The following ETV2 variants were observed in gnomAD, a reference collection of about 807,000 sequenced individuals.
The protein encoded by ETV2 is ETS translocation variant 2.
ETV2 carries 34 observed loss-of-function variants against 35.7 expected under a neutral mutation model. The ratio of observed to expected loss-of-function variants is 0.95; its 90% CI spans 0.72 to 1.27. The LOEUF is 1.27. Ranked by LOEUF, ETV2 falls within the 50% of genes most tolerant of loss-of-function variation. ETV2 has a pLI of 0.00. For synonymous variants in ETV2, 207 were observed against 203.9 expected, an observed-to-expected ratio of 1.02 and a Z score of -0.13; for missense variants, 512 against 470.5, an observed-to-expected ratio of 1.09 and a Z score of -0.82.
At position 35,644,624 on chromosome 19, in the gene ETV2, A is replaced by G. The variant is rs1215596252; in HGVS notation, c.829-28A>G. The G allele has an allele frequency of 1.9e-6, 3 of 1,590,246 alleles. No individual in the cohort carries two copies. The highest frequency in any genetic ancestry group is 1.7e-5 in the Admixed American group (1 of 57,304). ...CTATCGCCAAGCCCCGCCCCTTCCCACTCCGACCGAGCGGGCCTCTGTCCT... is the reference window on the plus strand; with the variant it reads ...CTATCGCCAAGCCCCGCCCCTTCCCGCTCCGACCGAGCGGGCCTCTGTCCT... On this transcript the variant is annotated intron_variant, in intron 6 of 6. Transcript: ENST00000402764. This position sits in a 1 kb window ranked among gnomAD's most constrained non-coding sequence, Gnocchi z 4.7.
chr19:35,642,656 C>A lies in ETV2; in HGVS notation c.112C>A (p.Gln38Lys). The A allele has an allele frequency of 6.2e-7, 1 of 1,606,020 alleles. No homozygotes were observed. The highest frequency in any genetic ancestry group is 8.5e-7 in the Non-Finnish European group (1 of 1,176,400). ...LGFCFPDLAL[Q>K]GDTPTATAET... Reference sequence around the variant, plus strand: ...CTTCTGTTTCCCTGATCTGGCACTCCAAGGGGACACGCCGACAGCGACAGC... The same window carrying A: ...CTTCTGTTTCCCTGATCTGGCACTCAAAGGGGACACGCCGACAGCGACAGC... The change falls in exon 3 of 7, where the codon CAA (glutamine) becomes AAA (lysine). Residue 38 changes from glutamine (Q) to lysine (K), a missense_variant. By Grantham distance (53) the Gln-to-Lys change is moderately conservative. Coordinates refer to ENST00000402764, the MANE Select transcript of ETV2 (RefSeq NM_014209.4). The surrounding 1 kb of genome is among the most constrained non-coding windows in gnomAD (Gnocchi z 4.4).
At position 35,641,811 on chromosome 19, in the gene ETV2, A is replaced by T. The variant is rs1967602499; in HGVS notation, c.-373A>T. 6.6e-6 allele frequency: 1 copy of T among 151,874 alleles called. No homozygotes were observed. The highest frequency in any genetic ancestry group is 1.5e-5 in the Non-Finnish European group (1 of 68,210). 9.4% of individuals were successfully genotyped at this position (151,874 alleles called of 1,614,324 possible). A position where few individuals can be genotyped will look rare whatever the true frequency, so the allele number is the denominator to read the frequency against. On this transcript the variant is annotated 5_prime_UTR_variant, in exon 1 of 7. Coordinates refer to ENST00000402764, the MANE Select transcript of ETV2 (RefSeq NM_014209.4). The stretch of plus-strand genomic sequence containing the variant: ...CCCCTCACTCCCCCCATGTCGCAGG[A>T]TCGAGACCCTGAGGCAGACAGCCCG...
rs1263088738 is a variant in ETV2, at chr19:35,644,312, A to C, written c.793A>C (p.Asn265His). 2.6e-6 allele frequency: 4 copies of C among 1,555,638 alleles called. No individual in the cohort carries two copies. The highest frequency in any genetic ancestry group is 3.5e-6 in the Non-Finnish European group (4 of 1,149,364). The change falls in exon 6 of 7, where the codon AAC (asparagine) becomes CAC (histidine). Residue 265 changes from asparagine to histidine, a missense_variant. Physicochemically the swap from Asn to His is moderately conservative, Grantham distance 68. Coordinates refer to ENST00000402764, the MANE Select transcript of ETV2 (RefSeq NM_014209.4). This position sits in a 1 kb window ranked among gnomAD's most constrained non-coding sequence, Gnocchi z 4.7. Reference protein sequence around the residue: ...ARSSCIRWTGNSREFQLCDPK... With the variant: ...ARSSCIRWTGHSREFQLCDPK... The stretch of plus-strand genomic sequence containing the variant: ...TAGCAGCTGCATCCGTTGGACTGGC[A>C]ACAGCCGCGAGTTCCAGCTGTGCGA...
In ETV2 at chr19:35,643,661, G is replaced by T. The variant is rs1277435287; in HGVS notation, c.623G>T (p.Arg208Leu). ...LHAGGTTSLKRYQSSALTVCS... is the reference protein window; with the variant it reads ...LHAGGTTSLKLYQSSALTVCS... ...GCGGGTGGCACCACCTCTTTGAAGC[G>T]GTACCAGAGCTCAGCTCTCACCGTT... The change falls in exon 5 of 7, where the codon CGG becomes CTG. Residue 208 changes from arginine to leucine, a missense_variant. By Grantham distance (102) the Arg-to-Leu change is moderately radical. Transcript: ENST00000402764. The surrounding 1 kb of genome is among the most constrained non-coding windows in gnomAD (Gnocchi z 5.0). The T allele has an allele frequency of 1.2e-6, 2 of 1,613,790 alleles. No individual in the cohort carries two copies. Among genetic ancestry groups the T allele is most frequent in the Admixed American group, 1.7e-5 (1 of 60,016 alleles).
rs1023409032 is a variant in ETV2 at position 35,643,293 on chromosome 19, T to C, written c.255T>C (p.Leu85=). The change falls in exon 5 of 7, where the codon CTT becomes CTC. Residue 85 remains leucine (L), a synonymous_variant. Transcript: ENST00000402764. The surrounding 1 kb of genome is among the most constrained non-coding windows in gnomAD (Gnocchi z 5.0). ...PWGAEPDSQA[L]PWSGDWTDMA... ...TCACAGAGCCCGACTCTCAGGCTCT[T>C]CCGTGGTCCGGGGACTGGACAGACA... 5 of 1,601,006 alleles carry C rather than the reference T, an allele frequency of 3.1e-6. No homozygotes were observed. Among genetic ancestry groups the C allele is most frequent in the Non-Finnish European group, 4.3e-6 (5 of 1,175,956 alleles).
rs934431614 is a variant in ETV2 at position 35,642,812 on chromosome 19, C to A, written c.154+114C>A. 1 of 1,017,288 alleles carries A rather than the reference C, an allele frequency of 9.8e-7. No individual in the cohort carries two copies. Among genetic ancestry groups the A allele is most frequent in the Non-Finnish European group, 1.5e-6 (1 of 669,534 alleles). 63.0% of individuals were successfully genotyped at this position (1,017,288 alleles called of 1,614,324 possible). ...TTCCTGGGACTGGGTGGGGAGGGGC[C>A]GCGTGCTTGACCCCTGAGGGTGAAG... On this transcript the variant is annotated intron_variant, in intron 3 of 6. Coordinates refer to ENST00000402764, the MANE Select transcript of ETV2 (RefSeq NM_014209.4). The surrounding 1 kb of genome is among the most constrained non-coding windows in gnomAD (Gnocchi z 4.4).
chr19:35,642,321 G>A lies in ETV2; in HGVS notation c.-27-113G>A. The A allele has an allele frequency of 1.7e-6, 1 of 589,350 alleles. No individual in the cohort carries two copies. Among genetic ancestry groups the A allele is most frequent in the Non-Finnish European group, 3.0e-6 (1 of 336,934 alleles). The allele number at this position is 589,350 out of a possible 1,614,324, so 36.5% of individuals were successfully genotyped here. A position where few individuals can be genotyped will look rare whatever the true frequency, so the allele number is the denominator to read the frequency against. ...AGATTTTAGGCTCCTGGGGAAGGAG[G>A]GAGCGGAGGCCTGGACTCCTGGCTC... is the stretch of plus-strand genomic sequence containing the variant. On this transcript the variant is annotated intron_variant, in intron 1 of 6. Coordinates refer to ENST00000402764, the MANE Select transcript of ETV2 (RefSeq NM_014209.4). This position sits in a 1 kb window ranked among gnomAD's most constrained non-coding sequence, Gnocchi z 4.4.
Position 35,644,675 on chromosome 19 carries a change from C to A in ETV2, c.852C>A (p.Arg284=). 1 of 1,604,336 alleles carries A rather than the reference C, an allele frequency of 6.2e-7. No homozygotes were observed. The highest frequency in any genetic ancestry group is 8.5e-7 in the Non-Finnish European group (1 of 1,174,452). The change falls in exon 7 of 7, where the codon CGC becomes CGA. Residue 284 remains arginine (R), a synonymous_variant. Coordinates refer to ENST00000402764, the MANE Select transcript of ETV2 (RefSeq NM_014209.4). This position sits in a 1 kb window ranked among gnomAD's most constrained non-coding sequence, Gnocchi z 4.7. The stretch of plus-strand genomic sequence containing the variant: ...AGGTGGCTCGGCTGTGGGGCGAGCG[C>A]AAGAGAAAGCCGGGCATGAATTACG... ...PKEVARLWGE[R]KRKPGMNYEK... is the part of the protein sequence containing the mutation.
Position 35,643,246 on chromosome 19 carries a change from C to A in ETV2, c.236-28C>A. 1 of 1,573,366 alleles carries A rather than the reference C, an allele frequency of 6.4e-7. No individual in the cohort carries two copies. Among genetic ancestry groups the A allele is most frequent in the East Asian group, 2.3e-5 (1 of 43,048 alleles). ...TTTTTGAGGGGGCACCTGGGCTCCC[C>A]TCACTCGGGATCCGTTACTCCTCAC... On this transcript the variant is annotated intron_variant, in intron 4 of 6. Transcript: ENST00000402764. The surrounding 1 kb of genome is among the most constrained non-coding windows in gnomAD (Gnocchi z 5.0).
At position 35,643,482 on chromosome 19, in the gene ETV2, C is replaced by T. The variant is rs1967675267; in HGVS notation, c.444C>T (p.Ala148=). 2 of 1,548,252 alleles carry T rather than the reference C, an allele frequency of 1.3e-6. No homozygotes were observed. The highest frequency in any genetic ancestry group is 1.7e-6 in the Non-Finnish European group (2 of 1,146,124). ...EATSWSRAQA[A]GSNTSWDCSV... ...CCTCGTGGTCGCGCGCCCAGGCCGCCGGGAGCAACACCAGCTGGGACTGTT... is the reference window on the plus strand; with the variant it reads ...CCTCGTGGTCGCGCGCCCAGGCCGCTGGGAGCAACACCAGCTGGGACTGTT... Residue 148 remains alanine, a synonymous_variant, in exon 5 of 7, where the codon GCC becomes GCT. Transcript: ENST00000402764. This position sits in a 1 kb window ranked among gnomAD's most constrained non-coding sequence, Gnocchi z 5.0.
In ETV2 at chr19:35,644,428, C is replaced by A. The variant is rs563671226; in HGVS notation, c.828+81C>A. The stretch of plus-strand genomic sequence containing the variant: ...GCTCCGCCCAAGGGCTAGGTTCAAC[C>A]GCGTAGCCCTCGGCCCCGCCGCTCC... On this transcript the variant is annotated intron_variant, in intron 6 of 6. Coordinates refer to ENST00000402764, the MANE Select transcript of ETV2 (RefSeq NM_014209.4). The surrounding 1 kb of genome is among the most constrained non-coding windows in gnomAD (Gnocchi z 4.7). The A allele has an allele frequency of 2.2e-5, 23 of 1,051,734 alleles. 1 individual carries two copies. In the African/African-American group the frequency reaches 2.2e-4, roughly 10 times the overall value. 65.2% of individuals were successfully genotyped at this position (1,051,734 alleles called of 1,614,324 possible).
Position 35,642,750 on chromosome 19 carries a change from G to A in ETV2, c.154+52G>A. 2 of 1,401,566 alleles carry A rather than the reference G, an allele frequency of 1.4e-6. No homozygotes were observed. Among genetic ancestry groups the A allele is most frequent in the Non-Finnish European group, 9.8e-7 (1 of 1,018,210 alleles). 86.8% of individuals were successfully genotyped at this position (1,401,566 alleles called of 1,614,324 possible). A position where few individuals can be genotyped will look rare whatever the true frequency, so the allele number is the denominator to read the frequency against. On this transcript the variant is annotated intron_variant, in intron 3 of 6. Coordinates refer to ENST00000402764, the MANE Select transcript of ETV2 (RefSeq NM_014209.4). This position sits in a 1 kb window ranked among gnomAD's most constrained non-coding sequence, Gnocchi z 4.4. ...GCTGGAGAAGAAGCGGGGAGGCTGG[G>A]ATCCTAGGGCAAAGGGAGGAGGGGG...
Position 35,644,228 on chromosome 19 carries a change from C to G in ETV2, c.716-7C>G. ...AGACTGAGTGTGCCCCTCCCTTCAT[C>G]CCGCAGGTCCCATTCAGCTGTGGCA... On this transcript the variant is annotated splice_region_variant and splice_polypyrimidine_tract_variant and intron_variant, in intron 5 of 6. Transcript: ENST00000402764. This position sits in a 1 kb window ranked among gnomAD's most constrained non-coding sequence, Gnocchi z 4.7. 1 of 1,541,658 alleles carries G rather than the reference C, an allele frequency of 6.5e-7. No individual in the cohort carries two copies.
In ETV2 at chr19:35,643,302, CG is replaced by C; in HGVS notation, c.268del (p.Asp90ThrfsTer117). ...CCGACTCTCAGGCTCTTCCGTGGTC[CG>C]GGGACTGGACAGACATGGCGTGCAC... ...EPDSQALPWS[G>X]DWTDMACTAW... On this transcript the variant is annotated frameshift_variant, in exon 5 of 7. Coordinates refer to ENST00000402764, the MANE Select transcript of ETV2 (RefSeq NM_014209.4). LOFTEE classifies it high-confidence loss of function. This position sits in a 1 kb window ranked among gnomAD's most constrained non-coding sequence, Gnocchi z 5.0. 1.2e-6 allele frequency: 2 copies of C among 1,602,334 alleles called. No individual in the cohort carries two copies.
chr19:35,642,400 T>A lies in ETV2; in HGVS notation c.-27-34T>A. ...TCCAGGGCCTCCAAGTGTCACCAGC[T>A]CACCCATTGCCATCTGGACTTTTCC... On this transcript the variant is annotated intron_variant, in intron 1 of 6. Transcript: ENST00000402764. This position sits in a 1 kb window ranked among gnomAD's most constrained non-coding sequence, Gnocchi z 4.4. 2 of 1,190,062 alleles carry A rather than the reference T, an allele frequency of 1.7e-6. No homozygotes were observed. Among genetic ancestry groups the A allele is most frequent in the Non-Finnish European group, 2.4e-6 (2 of 837,306 alleles). 73.7% of individuals were successfully genotyped at this position (1,190,062 alleles called of 1,614,324 possible).
chr19:35,644,767 A>G lies in ETV2; in HGVS notation c.944A>G (p.Lys315Arg). Residue 315 changes from lysine (K) to arginine (R), a missense_variant, in exon 7 of 7, where the codon AAG becomes AGG. By Grantham distance (26) the Lys-to-Arg change is conservative (BLOSUM62 2). Coordinates refer to ENST00000402764, the MANE Select transcript of ETV2 (RefSeq NM_014209.4). This position sits in a 1 kb window ranked among gnomAD's most constrained non-coding sequence, Gnocchi z 4.7. ...RDIVRKSGGR[K>R]YTYRFGGRVP... is the part of the protein sequence containing the mutation. ...ATCGTGCGCAAGAGCGGGGGGCGAAAGTACACGTACCGCTTCGGGGGCCGC... is the reference window on the plus strand; with the variant it reads ...ATCGTGCGCAAGAGCGGGGGGCGAAGGTACACGTACCGCTTCGGGGGCCGC... The G allele has an allele frequency of 6.2e-7, 1 of 1,611,480 alleles. No individual in the cohort carries two copies. The highest frequency in any genetic ancestry group is 2.2e-5 in the East Asian group (1 of 44,828).
Position 35,644,560 on chromosome 19 carries a change from G to T in ETV2, c.829-92G>T. On this transcript the variant is annotated intron_variant, in intron 6 of 6. Coordinates refer to ENST00000402764, the MANE Select transcript of ETV2 (RefSeq NM_014209.4). The surrounding 1 kb of genome is among the most constrained non-coding windows in gnomAD (Gnocchi z 4.7). The stretch of plus-strand genomic sequence containing the variant: ...CCGGGCTCTGCGAGGCCTCGCCCAG[G>T]TCTGCACTGCACACCGCCCCCAGGC... 1 of 1,293,796 alleles carries T rather than the reference G, an allele frequency of 7.7e-7. No homozygotes were observed. Among genetic ancestry groups the T allele is most frequent in the Non-Finnish European group, 1.1e-6 (1 of 941,502 alleles). The allele number at this position is 1,293,796 out of a possible 1,614,324, so 80.1% of individuals were successfully genotyped here. A position where few individuals can be genotyped will look rare whatever the true frequency, so the allele number is the denominator to read the frequency against.
chr19:35,642,918 G>C lies in ETV2; in HGVS notation c.155-47G>C, dbSNP rs556395435. The stretch of plus-strand genomic sequence containing the variant: ...CTGACAAGTAGAGACTAGAGAGTGG[G>C]TAGTTGAGGGGTCTCTTTCATTGCT... On this transcript the variant is annotated intron_variant, in intron 3 of 6. Coordinates refer to ENST00000402764, the MANE Select transcript of ETV2 (RefSeq NM_014209.4). This position sits in a 1 kb window ranked among gnomAD's most constrained non-coding sequence, Gnocchi z 4.4. The C allele has an allele frequency of 1.1e-4, 133 of 1,157,792 alleles. No individual in the cohort carries two copies. The African/African-American group carries it at 1.9e-3, about 17-fold the overall frequency. 71.7% of individuals were successfully genotyped at this position (1,157,792 alleles called of 1,614,324 possible).
Position 35,643,644 on chromosome 19 carries a change from C to T in ETV2, c.606C>T (p.Gly202=), listed in dbSNP as rs766418135. Residue 202 remains glycine (G), a synonymous_variant, in exon 5 of 7, where the codon GGC becomes GGT. Coordinates refer to ENST00000402764, the MANE Select transcript of ETV2 (RefSeq NM_014209.4). The surrounding 1 kb of genome is among the most constrained non-coding windows in gnomAD (Gnocchi z 5.0). ...GGAACCCGGGGCTGCATGCGGGTGG[C>T]ACCACCTCTTTGAAGCGGTACCAGA... The part of the protein sequence containing the change: ...TSWNPGLHAG[G]TTSLKRYQSS... The T allele has an allele frequency of 1.1e-5, 17 of 1,613,538 alleles. No individual in the cohort carries two copies. The highest frequency in any genetic ancestry group is 2.2e-5 in the East Asian group (1 of 44,862).
Sources: allele counts gnomAD v4.1 joint callset, GRCh38; gene constraint gnomAD v4.1.1; non-coding constraint Gnocchi (gnomAD v3.1); transcripts MANE v1.5; gene names NCBI Gene and HGNC (gene_info 2026-07-23, HGNC 2026-07-21).